Variants in TENM3 observed in about 807,000 individuals in gnomAD.
The protein encoded by TENM3 is teneurin-3.
TENM3 carries 63 observed loss-of-function variants against 255.1 expected under a neutral mutation model. That is an observed-to-expected ratio of 0.25 (90% CI 0.20 to 0.30). The LOEUF is 0.30. Among genes scored for constraint, TENM3 ranks in the 10% least tolerant of loss-of-function variants. The pLI, the probability that TENM3 is intolerant of heterozygous loss-of-function variation, is 1.00. For synonymous variants in TENM3, 1,306 were observed against 1,322.3 expected, an observed-to-expected ratio of 0.99 and a Z score of 0.27; for missense variants, 2,929 against 3,461.1, an observed-to-expected ratio of 0.85 and a Z score of 3.86.
the TENM3 span, among the ~76,000 whole-genome samples, chr4:181,581,756 G>A: frequency 3.4e-5 from 5 of 148,306 alleles, no homozygotes; most frequent in Admixed American, 1.3e-4. Flanking sequence ...AATTTGCGAC[G>A]GAGTCTCCCT....
the TENM3 span, among the ~76,000 whole-genome samples, chr4:182,045,323 T>A: frequency 6.6e-6 from 1 of 151,440 alleles, no homozygotes; most frequent in Admixed American, 6.6e-5. Flanking sequence ...GCTTTGATTG[T>A]GAATGTTTGG....
intron 18 of TENM3, 102 bp from the exon 19 acceptor site, chr4:182,743,068 C>A: frequency 8.0e-7 from 1 of 1,253,242 alleles, no homozygotes; most frequent in Non-Finnish European, 1.1e-6. Context: ...TAATCCAGAC[C>A]TGACAGGCAT....
At chr4:182,587,577 CA>C (rs1338269776) in intron 3 of TENM3, among the ~76,000 whole-genome samples, 1 of 151,844 alleles carries the variant, frequency 6.6e-6, no homozygotes, top group East Asian at 1.9e-4. Flanking sequence ...GACTTCGCCT[CA>C]AAAAAATGTT....
intron 3 of TENM3, among the ~76,000 whole-genome samples, chr4:182,417,286 A>G (rs1346066802): frequency 6.6e-6 from 1 of 152,056 alleles, no homozygotes; most frequent in Non-Finnish European, 1.5e-5. Flanking sequence ...TCCATTTTCA[A>G]TACAGTATGC....
In TENM3 at chr4:182,679,770, T is replaced by G; in HGVS notation, c.1431T>G (p.Leu477=). 6.2e-7 allele frequency: 1 copy of G among 1,613,944 alleles called. No homozygotes were observed. The highest frequency in any genetic ancestry group is 1.1e-5 in the South Asian group (1 of 91,074). Residue 477 remains leucine (L), a synonymous_variant, in exon 8 of 28, where the codon CTT becomes CTG. Coordinates refer to ENST00000511685, the MANE Select transcript of TENM3 (RefSeq NM_001080477.4). ...RAGRQARSVS[L]HEAGFIQYLD... ...GGCGGCAGGCGAGATCCGTCAGCCT[T>G]CATGAGGCCGGCTTTATCCAGTACT...
intron 1 of TENM3, among the ~76,000 whole-genome samples, chr4:182,223,268 A>G: frequency 6.6e-6 from 1 of 152,214 alleles, no homozygotes; most frequent in Non-Finnish European, 1.5e-5. Context: ...GCAGTGAATC[A>G]CATATTTTCT....
At chr4:182,379,514 C>T (rs981622608) in intron 3 of TENM3, among the ~76,000 whole-genome samples, 1 of 152,128 alleles carries the variant, frequency 6.6e-6, no homozygotes, top group Non-Finnish European at 1.5e-5. Flanking sequence ...AAAGACTGAA[C>T]GGGGCTTTTC....
At chr4:181,709,808 G>A in the TENM3 span, among the ~76,000 whole-genome samples, 45 of 152,332 alleles carry the variant, frequency 3.0e-4, no homozygotes, top group African/African-American at 1.0e-3. Flanking sequence ...ATTTTTTGAA[G>A]TAGCGTTCAG....
chr4:181,468,535 A>G, the TENM3 span, among the ~76,000 whole-genome samples: 1 of 152,186 alleles, frequency 6.6e-6, no homozygotes, highest in Non-Finnish European at 1.5e-5. Context: ...ATGTTTGACC[A>G]CCATCTGTAT....
At chr4:182,795,344 C>T (rs1766422015) in intron 26 of TENM3, among the ~76,000 whole-genome samples, 1 of 151,964 alleles carries the variant, frequency 6.6e-6, no homozygotes, top group African/African-American at 2.4e-5. Flanking sequence ...AGAATTTTTG[C>T]CCCCAATACT....
chr4:182,339,650 G>A (rs1305269358), intron 2 of TENM3, among the ~76,000 whole-genome samples: 1 of 152,166 alleles, frequency 6.6e-6, no homozygotes, highest in African/African-American at 2.4e-5. Context: ...TGCTCAACTT[G>A]TATCTGGTTC....
At chr4:182,656,903 C>G (rs1753802347) in intron 6 of TENM3, among the ~76,000 whole-genome samples, 1 of 152,130 alleles carries the variant, frequency 6.6e-6, no homozygotes, top group Admixed American at 6.5e-5. Context: ...CTGATTATTC[C>G]TGAGACCTTC....
At chr4:182,096,867 AATG>A in the TENM3 span, among the ~76,000 whole-genome samples, 1 of 152,202 alleles carries the variant, frequency 6.6e-6, no homozygotes, top group South Asian at 2.1e-4. Context: ...TCATCAACCT[AATG>A]GAATAAAATG....
chr4:182,655,375 T>C (rs1422114765), intron 6 of TENM3, among the ~76,000 whole-genome samples: 2 of 152,200 alleles, frequency 1.3e-5, no homozygotes, highest in Non-Finnish European at 2.9e-5. Context: ...CATCTTAACC[T>C]TTTATTATGA....
At chr4:181,619,052 A>G in the TENM3 span, among the ~76,000 whole-genome samples, 5 of 152,176 alleles carry the variant, frequency 3.3e-5, no homozygotes, top group Non-Finnish European at 7.3e-5. Context: ...AGCCTAACCA[A>G]TGGGAGGCCA....
intron 3 of TENM3, among the ~76,000 whole-genome samples, chr4:182,450,266 T>TA (rs1393016916): frequency 8.3e-4 from 127 of 152,360 alleles, no homozygotes; most frequent in African/African-American, 2.8e-3. Context: ...TGCTAATTGT[T>TA]AAAGTAGTAC....
At chr4:182,080,790 A>C in the TENM3 span, among the ~76,000 whole-genome samples, 1 of 152,132 alleles carries the variant, frequency 6.6e-6, no homozygotes, top group African/African-American at 2.4e-5. Flanking sequence ...CCAGGGGTTC[A>C]CGACAAGCCT....
At chr4:181,707,425 C>T in the TENM3 span, among the ~76,000 whole-genome samples, 19,368 of 152,200 alleles carry the variant, frequency 0.13, 1,665 homozygotes, top group Non-Finnish European at 0.18. Flanking sequence ...CTGAAATTCA[C>T]ACACAGAATA....
At chr4:181,634,799 C>T in the TENM3 span, among the ~76,000 whole-genome samples, 2 of 152,138 alleles carry the variant, frequency 1.3e-5, no homozygotes, top group South Asian at 4.1e-4. Context: ...TGGCTGTTTA[C>T]AATTTTTTGG....
Sources: allele counts gnomAD v4.1 joint callset (sites outside exome capture counted in the v4.1 genomes callset), GRCh38; gene constraint gnomAD v4.1.1; transcripts MANE v1.5; gene names NCBI Gene and HGNC (gene_info 2026-07-23, HGNC 2026-07-21).